FMN2: variants seen among roughly 807,000 people sequenced by gnomAD.
FMN2 encodes the protein formin 2, also known as formin-2.
Under a neutral mutation model 142.3 loss-of-function variants are expected in FMN2, and 51 were observed. The observed-to-expected ratio is 0.36, with a 90% CI of 0.29 to 0.45. FMN2 has a LOEUF of 0.45. Among genes scored for constraint, FMN2 ranks in the 20% least tolerant of loss-of-function variants. The pLI, the probability that FMN2 is intolerant of heterozygous loss-of-function variation, is 1.00. For synonymous variants in FMN2, 882 were observed against 869.8 expected, an observed-to-expected ratio of 1.01 and a Z score of -0.25; for missense variants, 1,936 against 2,122.8, an observed-to-expected ratio of 0.91 and a Z score of 1.73.
chr1:240,364,304 G>C (rs1265039091), intron 14 of FMN2, among the ~76,000 whole-genome samples: 2 of 152,074 alleles, frequency 1.3e-5, no homozygotes, highest in African/African-American at 4.8e-5. Flanking sequence ...GTGGTGTCAG[G>C]TGGTAGAAAC....
intron 13 of FMN2, among the ~76,000 whole-genome samples, chr1:240,340,925 A>G (rs746595433): frequency 6.6e-6 from 1 of 152,092 alleles, no homozygotes; most frequent in African/African-American, 2.4e-5. Context: ...CTGCCCAAGT[A>G]TTACTTCACT....
chr1:240,160,220 T>A lies in FMN2; in HGVS notation c.1783-17701T>A, dbSNP rs1053927428. Among the ~76,000 whole-genome samples the A allele has an allele frequency of 2.0e-5, 3 of 150,678 alleles. No homozygotes were observed. In the South Asian group the frequency reaches 6.2e-4, roughly 31 times the overall value. On this transcript the variant is annotated intron_variant, in intron 2 of 17. Transcript: ENST00000319653. ...CCAGCTTATTTTATGAGGCCAAAAT[T>A]TCCCTGATACTAGAACCAGATACAG... is the stretch of plus-strand genomic sequence containing the variant.
chr1:240,430,889 C>T (rs1675147280), intron 15 of FMN2, among the ~76,000 whole-genome samples: 2 of 150,826 alleles, frequency 1.3e-5, no homozygotes, highest in South Asian at 2.1e-4. Context: ...AGTCCTTCAC[C>T]TATGTTCTTT....
At position 240,212,855 on chromosome 1, in the gene FMN2, C is replaced by A. The variant is rs202091496; in HGVS notation, c.4065+1620C>A. 8.6e-5 allele frequency among the ~76,000 whole-genome samples: 13 copies of A among 151,592 alleles called. No individual in the cohort carries two copies. The East Asian group carries it at 2.5e-3, about 30-fold the overall frequency. ...TCACATGACAAACGTGTAGATGTGG[C>A]ATGGAGCCTCTCTCGTCCAGGGACC... is the stretch of plus-strand genomic sequence containing the variant. On this transcript the variant is annotated intron_variant, in intron 6 of 17. Coordinates refer to ENST00000319653, the MANE Select transcript of FMN2 (RefSeq NM_020066.5).
At chr1:240,404,551 G>C (rs1674087928) in intron 15 of FMN2, among the ~76,000 whole-genome samples, 1 of 152,268 alleles carries the variant, frequency 6.6e-6, no homozygotes, top group African/African-American at 2.4e-5. Flanking sequence ...GGATTTCTTA[G>C]TTAACTACTT....
At chr1:240,180,345 C>T (rs577338539) in intron 3 of FMN2, among the ~76,000 whole-genome samples, 1 of 152,136 alleles carries the variant, frequency 6.6e-6, no homozygotes, top group South Asian at 2.1e-4. Context: ...GAGACAGCCT[C>T]GTTCCCAGAA....
At chr1:240,352,516 G>A (rs1672127807) in intron 13 of FMN2, among the ~76,000 whole-genome samples, 1 of 152,148 alleles carries the variant, frequency 6.6e-6, no homozygotes, top group Admixed American at 6.5e-5. Context: ...GGGAGATGGA[G>A]GTTGCAGTGA....
chr1:240,138,411 A>G (rs1298191844), intron 2 of FMN2, among the ~76,000 whole-genome samples: 1 of 152,118 alleles, frequency 6.6e-6, no homozygotes, highest in African/African-American at 2.4e-5. Context: ...AAAAAGTATT[A>G]CATGTGGGCC....
At chr1:240,297,156 T>C (rs1031090921) in intron 8 of FMN2, among the ~76,000 whole-genome samples, 12 of 152,266 alleles carry the variant, frequency 7.9e-5, no homozygotes, top group African/African-American at 2.9e-4. Context: ...CATATATACA[T>C]TTGGTGTATA....
intron 16 of FMN2, among the ~76,000 whole-genome samples, chr1:240,443,694 A>C (rs1316923525): frequency 6.6e-6 from 1 of 152,182 alleles, no homozygotes; most frequent in Non-Finnish European, 1.5e-5. Context: ...CGTAGGGTGC[A>C]GTGAGCTGAG....
chr1:240,318,249 G>A (rs367727064), intron 8 of FMN2, among the ~76,000 whole-genome samples: 3 of 152,138 alleles, frequency 2.0e-5, no homozygotes, highest in Admixed American at 2.0e-4. Flanking sequence ...ACTTCATAGC[G>A]CTGGAGTGAC....
At chr1:240,244,965 C>A in intron 6 of FMN2, among the ~76,000 whole-genome samples, 1 of 152,164 alleles carries the variant, frequency 6.6e-6, no homozygotes, top group East Asian at 1.9e-4. Context: ...CTGAGTACTA[C>A]AGTAAGCAAT....
intron 6 of FMN2, among the ~76,000 whole-genome samples, chr1:240,224,916 G>A (rs975758392): frequency 4.6e-5 from 7 of 152,204 alleles, no homozygotes; most frequent in Non-Finnish European, 8.8e-5. Flanking sequence ...GTCTGGTGTG[G>A]TGAGCTGGTG....
intron 8 of FMN2, 40 bp downstream of exon 8, chr1:240,294,923 T>G (rs1279641906): frequency 6.5e-7 from 1 of 1,536,700 alleles, no homozygotes; most frequent in South Asian, 1.1e-5. Flanking sequence ...GTATATAATA[T>G]GTACACAGTA....
intron 15 of FMN2, among the ~76,000 whole-genome samples, chr1:240,399,925 G>A (rs1182151852): frequency 6.6e-6 from 1 of 152,160 alleles, no homozygotes; most frequent in South Asian, 2.1e-4. Flanking sequence ...CATTGTGCAG[G>A]TGCACAGAAG....
chr1:240,144,582 G>T lies in FMN2; in HGVS notation c.1782+21237G>T, dbSNP rs186202685. On this transcript the variant is annotated intron_variant, in intron 2 of 17. Coordinates refer to ENST00000319653, the MANE Select transcript of FMN2 (RefSeq NM_020066.5). ...TCATTGCGCATCAGTGCCAATCTCA[G>T]AGCTTTAGGAAAGCGGCTAAACTTT... 3.1e-4 allele frequency: 427 copies of T among 1,371,096 alleles called. 4 individuals are homozygous for T. In the African/African-American group the frequency reaches 5.7e-3, roughly 18 times the overall value. The allele number at this position is 1,371,096 out of a possible 1,614,324, so 84.9% of individuals were successfully genotyped here.
At position 240,193,097 on chromosome 1, in the gene FMN2, C is replaced by T. The variant is rs536671593; in HGVS notation, c.1986+4835C>T. Among the ~76,000 whole-genome samples, 4 of 152,084 alleles carry T rather than the reference C, an allele frequency of 2.6e-5. No homozygotes were observed. The East Asian group carries it at 7.7e-4, about 29-fold the overall frequency. On this transcript the variant is annotated intron_variant, in intron 4 of 17. Transcript: ENST00000319653. ...GGGGTGAAATGAAGTAATATCTTTG[C>T]TCTATTGAGTTTTAGATGGTGTAAA... is the stretch of plus-strand genomic sequence containing the variant.
At chr1:240,142,958 G>T in intron 2 of FMN2, 3 of 1,599,126 alleles carry the variant, frequency 1.9e-6, no homozygotes, top group South Asian at 1.1e-5. Flanking sequence ...AGTGTGATTT[G>T]CCTAGAATAA....
At chr1:240,264,022 T>C (rs768892844) in intron 7 of FMN2, among the ~76,000 whole-genome samples, 1 of 152,212 alleles carries the variant, frequency 6.6e-6, no homozygotes, top group Non-Finnish European at 1.5e-5. Flanking sequence ...GAAGTACAGT[T>C]GATACAGTCA....
Sources: gnomAD v4.1 joint callset for allele counts (sites outside exome capture counted in the v4.1 genomes callset) on GRCh38, gnomAD v4.1.1 for gene constraint, MANE v1.5 for transcripts, NCBI Gene and HGNC (gene_info 2026-07-23, HGNC 2026-07-21) for gene names.